The following YTHDF1 variants were observed in gnomAD, a reference collection of about 807,000 sequenced individuals.
YTHDF1 encodes YTH N6-methyladenosine RNA binding protein F1, also known as YTH domain-containing family protein 1.
A neutral mutation model predicts 49.1 loss-of-function variants in YTHDF1; 16 were observed. That is an observed-to-expected ratio of 0.33 (90% CI 0.22 to 0.49). YTHDF1 has a LOEUF of 0.49. Among genes scored for constraint, YTHDF1 ranks in the 20% least tolerant of loss-of-function variants. YTHDF1 has a pLI of 0.99. For synonymous variants in YTHDF1, 313 were observed against 290.1 expected, an observed-to-expected ratio of 1.08 and a Z score of -0.80; for missense variants, 621 against 744.3, an observed-to-expected ratio of 0.83 and a Z score of 1.93.
At chr20:63,201,311 T>C (rs922505147) in intron 4 of YTHDF1, among the ~76,000 whole-genome samples, 1 of 152,200 alleles carries the variant, frequency 6.6e-6, no homozygotes, top group Non-Finnish European at 1.5e-5. Context: ...AGGTGAATAA[T>C]TCCTTTAACA....
chr20:63,212,723 C>G (rs1030273385), intron 3 of YTHDF1, among the ~76,000 whole-genome samples: 1 of 152,136 alleles, frequency 6.6e-6, no homozygotes, highest in African/African-American at 2.4e-5. Context: ...GAGAGCAGCT[C>G]CCAGTAGATT....
In YTHDF1 at chr20:63,202,292, GCAC is replaced by G; in HGVS notation, c.1645_1647del (p.Val549del). On this transcript the variant is annotated inframe_deletion, in exon 4 of 5. Coordinates refer to ENST00000370339, the MANE Select transcript of YTHDF1 (RefSeq NM_017798.4). ...CCTGCAACACCCAGCCTCACCTTGC[GCAC>G]CACCTCCTCCTCCTCCTGGCGCTTC... 1 of 1,611,652 alleles carries G rather than the reference GCAC, an allele frequency of 6.2e-7. No individual in the cohort carries two copies. The highest frequency in any genetic ancestry group is 8.5e-7 in the Non-Finnish European group (1 of 1,178,262).
intron 4 of YTHDF1, among the ~76,000 whole-genome samples, chr20:63,200,687 T>A (rs1045995231): frequency 6.6e-6 from 1 of 152,180 alleles, no homozygotes; most frequent in Admixed American, 6.5e-5. Flanking sequence ...GTTTTTATAA[T>A]GCAAGTTGTA....
intron 3 of YTHDF1, among the ~76,000 whole-genome samples, chr20:63,212,805 GAGA>G (rs1276274689): frequency 1.3e-5 from 2 of 152,192 alleles, no homozygotes; most frequent in Non-Finnish European, 2.9e-5. Context: ...TGGGGATGGG[GAGA>G]AGGAGTTGCT....
chr20:63,205,317 T>G (rs575333607), intron 3 of YTHDF1, among the ~76,000 whole-genome samples: 2 of 152,010 alleles, frequency 1.3e-5, no homozygotes, highest in Non-Finnish European at 2.9e-5. Flanking sequence ...ACTGGAGGGG[T>G]GACCACAAGC....
rs754881802 is a variant in YTHDF1, at chr20:63,203,058, A to T, written c.882T>A (p.Ala294=). 1.9e-6 allele frequency: 3 copies of T among 1,605,408 alleles called. No individual in the cohort carries two copies. The highest frequency in any genetic ancestry group is 2.6e-6 in the Non-Finnish European group (3 of 1,174,944). ...GAGCCACCTGCTGGGGCTGTGGGGC[A>T]GCCTGTGGAGAGGGTGCCTGCTGGG... ...PVPQQAPSPQ[A]APQPQQVAQP... is the part of the protein sequence containing the mutation. Residue 294 remains alanine (A), a synonymous_variant, in exon 4 of 5, where the codon GCT becomes GCA. Coordinates refer to ENST00000370339, the MANE Select transcript of YTHDF1 (RefSeq NM_017798.4). The surrounding 1 kb of genome is among the most constrained non-coding windows in gnomAD (Gnocchi z 4.4).
chr20:63,203,016 C>T lies in YTHDF1; in HGVS notation c.924G>A (p.Gln308=). 6.2e-7 allele frequency: 1 copy of T among 1,610,844 alleles called. No individual in the cohort carries two copies. Among genetic ancestry groups the T allele is most frequent in the Non-Finnish European group, 8.5e-7 (1 of 1,178,586 alleles). ...PQQVAQPLPA[Q]PPALAQPQYQ... ...ACTGCGGTTGAGCCAAAGCTGGGGG[C>T]TGTGCTGGGAGAGGCTGAGCCACCT... Residue 308 remains glutamine, a synonymous_variant, in exon 4 of 5, where the codon CAG becomes CAA. Transcript: ENST00000370339. This position sits in a 1 kb window ranked among gnomAD's most constrained non-coding sequence, Gnocchi z 4.4.
Position 63,215,926 on chromosome 20 carries a change from C to T in YTHDF1, c.-34G>A. The T allele has an allele frequency of 2.2e-6, 3 of 1,363,820 alleles. No individual in the cohort carries two copies. Among genetic ancestry groups the T allele is most frequent in the Non-Finnish European group, 2.8e-6 (3 of 1,052,702 alleles). The allele number at this position is 1,363,820 out of a possible 1,614,324, so 84.5% of individuals were successfully genotyped here. A position where few individuals can be genotyped will look rare whatever the true frequency, so the allele number is the denominator to read the frequency against. On this transcript the variant is annotated 5_prime_UTR_variant, in exon 1 of 5. Coordinates refer to ENST00000370339, the MANE Select transcript of YTHDF1 (RefSeq NM_017798.4). ...AACAACTAGACGCGGGGCCGGGGCG[C>T]CCGCCGGCTCGGGCCTCCCCTAGAG... is the stretch of plus-strand genomic sequence containing the variant.
At chr20:63,210,619 A>C (rs1246217131) in intron 3 of YTHDF1, among the ~76,000 whole-genome samples, 1 of 152,012 alleles carries the variant, frequency 6.6e-6, no homozygotes, top group East Asian at 1.9e-4. Flanking sequence ...CCCCGTCCCT[A>C]CTAAAAATAC....
rs558054152 is a variant in YTHDF1 at position 63,196,466 on chromosome 20, G to C, written c.*242C>G. ...TTAAGGATACTTACATTTCACATTA[G>C]ATCAGTCTGATTGATAAGCTGACAA... is the stretch of plus-strand genomic sequence containing the variant. On this transcript the variant is annotated 3_prime_UTR_variant, in exon 5 of 5. Coordinates refer to ENST00000370339, the MANE Select transcript of YTHDF1 (RefSeq NM_017798.4). The C allele has an allele frequency of 1.7e-5, 7 of 415,166 alleles. No individual in the cohort carries two copies. The highest frequency in any genetic ancestry group is 8.5e-5 in the Admixed American group (2 of 23,470). The allele number at this position is 415,166 out of a possible 1,614,324, so 25.7% of individuals were successfully genotyped here. A position where few individuals can be genotyped will look rare whatever the true frequency, so the allele number is the denominator to read the frequency against.
intron 3 of YTHDF1, among the ~76,000 whole-genome samples, chr20:63,204,596 G>C (rs1428232713): frequency 6.6e-6 from 1 of 152,228 alleles, no homozygotes; most frequent in Non-Finnish European, 1.5e-5. Context: ...CGGGTGCAGA[G>C]CAGCCCTCAC....
intron 4 of YTHDF1, among the ~76,000 whole-genome samples, chr20:63,199,669 G>A (rs1279690782): frequency 6.6e-6 from 1 of 152,216 alleles, no homozygotes; most frequent in Non-Finnish European, 1.5e-5. Context: ...ACAAGGCCTA[G>A]AGCACCTTCG....
intron 2 of YTHDF1, among the ~76,000 whole-genome samples, chr20:63,214,407 C>T (rs556296310): frequency 2.0e-5 from 3 of 152,168 alleles, no homozygotes; most frequent in Non-Finnish European, 2.9e-5. Context: ...CACAGTGAAC[C>T]CCAAATATCT....
intron 2 of YTHDF1, among the ~76,000 whole-genome samples, 154 bp downstream of exon 2, chr20:63,215,423 A>G (rs544878857): frequency 6.6e-5 from 10 of 152,226 alleles, no homozygotes; most frequent in Non-Finnish European, 8.8e-5. Context: ...TCGACCTGTC[A>G]AATCTCCCAG....
intron 3 of YTHDF1, among the ~76,000 whole-genome samples, chr20:63,211,553 TA>T (rs753402763): frequency 6.6e-6 from 1 of 152,164 alleles, no homozygotes; most frequent in Non-Finnish European, 1.5e-5. Context: ...TCAAAAGTTA[TA>T]AAACCATACT....
intron 3 of YTHDF1, among the ~76,000 whole-genome samples, chr20:63,205,103 C>T (rs1847369227): frequency 6.6e-6 from 1 of 152,184 alleles, no homozygotes; most frequent in African/African-American, 2.4e-5. Flanking sequence ...CCCCAGTCCC[C>T]CAAGTAACCA....
rs745904107 is a variant in YTHDF1, at chr20:63,203,148, G to A, written c.792C>T (p.Pro264=). 1.9e-6 allele frequency: 3 copies of A among 1,613,572 alleles called. No homozygotes were observed. The highest frequency in any genetic ancestry group is 1.3e-5 in the African/African-American group (1 of 74,934). The part of the protein sequence containing the change: ...PVMGGGLPPP[P]IKHNMDIGTW... ...TGCCAATGTCCATGTTATGCTTTAT[G>A]GGTGGAGGGGGCAGCCCACCCCCCA... Residue 264 remains proline, a synonymous_variant, in exon 4 of 5, where the codon CCC becomes CCT. Coordinates refer to ENST00000370339, the MANE Select transcript of YTHDF1 (RefSeq NM_017798.4). The surrounding 1 kb of genome is among the most constrained non-coding windows in gnomAD (Gnocchi z 4.4).
intron 3 of YTHDF1, among the ~76,000 whole-genome samples, chr20:63,210,034 G>A (rs576766564): frequency 2.0e-4 from 30 of 152,274 alleles, no homozygotes; most frequent in African/African-American, 3.6e-4. Flanking sequence ...GGTACTGTAC[G>A]TAACTGTAGG....
chr20:63,199,669 G>C (rs1279690782), intron 4 of YTHDF1, among the ~76,000 whole-genome samples: 5 of 152,216 alleles, frequency 3.3e-5, no homozygotes, highest in Admixed American at 6.5e-5. Context: ...ACAAGGCCTA[G>C]AGCACCTTCG....
Sources: gnomAD v4.1 joint callset for allele counts (sites outside exome capture counted in the v4.1 genomes callset) on GRCh38, gnomAD v4.1.1 for gene constraint, Gnocchi (gnomAD v3.1) non-coding constraint, MANE v1.5 for transcripts, NCBI Gene and HGNC (gene_info 2026-07-23, HGNC 2026-07-21) for gene names.